Variants in UNC13C observed in about 807,000 individuals in gnomAD.
UNC13C encodes the protein unc-13 homolog C, also known as protein unc-13 homolog C.
Under a neutral mutation model 245.4 loss-of-function variants are expected in UNC13C, and 174 were observed. The ratio of observed to expected loss-of-function variants is 0.71; its 90% CI spans 0.63 to 0.80. The LOEUF (loss-of-function observed/expected upper bound fraction) is 0.80. Among genes scored for constraint, UNC13C ranks in the 30% least tolerant of loss-of-function variants. The pLI is 0.00. For synonymous variants in UNC13C, 992 were observed against 895.1 expected (o/e 1.11, Z -1.93); for missense variants, 2,829 against 2,602.9 (o/e 1.09, Z -1.89).
intron 1 of UNC13C, among the ~76,000 whole-genome samples, chr15:53,990,917 C>T (rs1271766261): frequency 6.6e-6 from 1 of 151,914 alleles, no homozygotes; most frequent in East Asian, 1.9e-4. Context: ...AAGGAGACCC[C>T]CTCTGGTAAC....
intron 10 of UNC13C, among the ~76,000 whole-genome samples, chr15:54,288,676 G>A (rs1711944207): frequency 6.6e-6 from 1 of 152,046 alleles, no homozygotes; most frequent in East Asian, 1.9e-4. Context: ...TGTTGTATGA[G>A]TGTACTTATA....
the UNC13C span, among the ~76,000 whole-genome samples, chr15:53,859,290 T>G: frequency 6.6e-6 from 1 of 152,168 alleles, no homozygotes; most frequent in East Asian, 1.9e-4. Context: ...CTTTTCAAAC[T>G]TTTTTCTTTG....
At chr15:54,144,580 C>T (rs2032172698) in intron 4 of UNC13C, among the ~76,000 whole-genome samples, 1 of 152,264 alleles carries the variant, frequency 6.6e-6, no homozygotes, top group Middle Eastern at 3.4e-3. Flanking sequence ...AGTATTCAAG[C>T]TCAGTTAATC....
intron 2 of UNC13C, among the ~76,000 whole-genome samples, chr15:54,053,142 G>T (rs926924263): frequency 5.9e-5 from 9 of 152,058 alleles, no homozygotes; most frequent in African/African-American, 2.2e-4. Flanking sequence ...GGGACTACAG[G>T]TGTGCACCAC....
intron 17 of UNC13C, among the ~76,000 whole-genome samples, chr15:54,371,117 C>T (rs1000000787): frequency 7.9e-5 from 12 of 152,052 alleles, no homozygotes; most frequent in African/African-American, 2.9e-4. Flanking sequence ...GAACTTATTT[C>T]TCCTATCTAA....
intron 8 of UNC13C, 66 bp downstream of exon 8, chr15:54,250,510 A>G (rs1294941701): frequency 7.0e-7 from 1 of 1,421,502 alleles, no homozygotes; most frequent in East Asian, 2.4e-5. Flanking sequence ...GTTTCATGTT[A>G]GATCACTTCA....
At chr15:54,502,430 TC>T (rs1317981388) in intron 22 of UNC13C, among the ~76,000 whole-genome samples, 32 of 152,138 alleles carry the variant, frequency 2.1e-4, no homozygotes, top group African/African-American at 7.2e-4. Context: ...AAGACTAACC[TC>T]CTACTTTTAA....
intron 13 of UNC13C, among the ~76,000 whole-genome samples, chr15:54,319,776 A>G (rs758645149): frequency 3.3e-4 from 49 of 146,420 alleles, no homozygotes; most frequent in Non-Finnish European, 6.5e-4. Flanking sequence ...ATAGGATCAC[A>G]TTATATAGTG....
chr15:54,415,208 T>C (rs1383964227), intron 19 of UNC13C, 141 bp downstream of exon 19: 2 of 599,070 alleles, frequency 3.3e-6, no homozygotes, highest in Non-Finnish European at 5.5e-6. Flanking sequence ...TATTTCCGTA[T>C]GGTGAAAAGA....
chr15:54,124,121 T>G (rs192836171), intron 2 of UNC13C, among the ~76,000 whole-genome samples: 8 of 152,342 alleles, frequency 5.3e-5, no homozygotes, highest in Admixed American at 3.3e-4. Flanking sequence ...TTTGGATATT[T>G]CCAGTTTGGG....
intron 30 of UNC13C, among the ~76,000 whole-genome samples, chr15:54,590,214 A>C (rs1420225839): frequency 6.6e-6 from 1 of 152,208 alleles, no homozygotes; most frequent in Non-Finnish European, 1.5e-5. Context: ...GTTTAAAATC[A>C]GGAAGTGGGA....
At chr15:54,234,670 A>T (rs187674062) in intron 4 of UNC13C, among the ~76,000 whole-genome samples, 205 of 152,292 alleles carry the variant, frequency 1.3e-3, no homozygotes, top group Non-Finnish European at 2.8e-4. Context: ...AGCCAGACCA[A>T]ACTTGCACCA....
At chr15:53,862,301 A>G in the UNC13C span, among the ~76,000 whole-genome samples, 1 of 152,144 alleles carries the variant, frequency 6.6e-6, no homozygotes, top group Admixed American at 6.6e-5. Context: ...AAGTCAGAGT[A>G]AATCACCAGA....
chr15:54,393,015 T>C (rs751135320), intron 17 of UNC13C, 33 bp from the exon 18 acceptor site: 1 of 1,533,622 alleles, frequency 6.5e-7, no homozygotes, highest in African/African-American at 1.4e-5. Context: ...CATTTAACCT[T>C]TTCTTTTGCA....
At chr15:54,566,943 G>A (rs1038067143) in intron 29 of UNC13C, among the ~76,000 whole-genome samples, 10 of 152,010 alleles carry the variant, frequency 6.6e-5, no homozygotes, top group African/African-American at 2.2e-4. Context: ...TTGTTGGTAC[G>A]GGAAGAGAGA....
At chr15:54,225,545 TG>T (rs1233293365) in intron 4 of UNC13C, among the ~76,000 whole-genome samples, 1 of 152,224 alleles carries the variant, frequency 6.6e-6, no homozygotes, top group African/African-American at 2.4e-5. Flanking sequence ...GCTGTATTCC[TG>T]GGTATTTTAT....
chr15:53,912,626 C>A, the UNC13C span: 4 of 152,172 alleles, frequency 2.6e-5, no homozygotes, highest in African/African-American at 9.7e-5. Flanking sequence ...TCTGGACTTA[C>A]ACACCACAGC....
intron 2 of UNC13C, among the ~76,000 whole-genome samples, chr15:54,107,022 T>C (rs1232009629): frequency 2.0e-5 from 3 of 152,206 alleles, no homozygotes; most frequent in East Asian, 3.8e-4. Flanking sequence ...ATTAGTTTGT[T>C]TCATAGGTTA....
At chr15:54,342,058 A>G (rs775184025) in intron 17 of UNC13C, among the ~76,000 whole-genome samples, 1 of 151,784 alleles carries the variant, frequency 6.6e-6, no homozygotes, top group Non-Finnish European at 1.5e-5. Flanking sequence ...GATGGACACT[A>G]TTCTAATATT....
Sources: gnomAD v4.1 joint callset for allele counts (sites outside exome capture counted in the v4.1 genomes callset) on GRCh38, gnomAD v4.1.1 for gene constraint, MANE v1.5 for transcripts, NCBI Gene and HGNC (gene_info 2026-07-23, HGNC 2026-07-21) for gene names.